Variants in ACSL4 observed in about 807,000 individuals in gnomAD.
The protein encoded by ACSL4 is acyl-CoA synthetase long chain family member 4.
A neutral mutation model predicts 49.1 loss-of-function variants in ACSL4; 9 were observed. The ratio of observed to expected loss-of-function variants is 0.18; its 90% CI spans 0.11 to 0.32. The LOEUF (loss-of-function observed/expected upper bound fraction) is 0.32, where lower values mean the gene tolerates loss of function less well. ACSL4 is among the 10% of genes least tolerant of loss of function. ACSL4 has a pLI of 1.00. For synonymous variants in ACSL4, 191 were observed against 170.3 expected, an observed-to-expected ratio of 1.12 and a Z score of -0.95; for missense variants, 333 against 493.7, an observed-to-expected ratio of 0.67 and a Z score of 3.08.
chrX:109,644,831 C>T lies in ACSL4; in HGVS notation c.1856-645G>A, dbSNP rs750875771. 3.6e-3 allele frequency among the ~76,000 whole-genome samples: 411 copies of T among 113,178 alleles called. 2 individuals are homozygous for T. Among genetic ancestry groups the T allele is most frequent in the African/African-American group, 0.012 (376 of 31,251 alleles). On this transcript the variant is annotated intron_variant, in intron 15 of 15. Transcript: ENST00000672401. Reference sequence around the variant, plus strand: ...CAGGTCAGTGGGTGTGCGCACCATGCGCGAGCCGAAGCAGGGCGAGGCATT... The same window carrying T: ...CAGGTCAGTGGGTGTGCGCACCATGTGCGAGCCGAAGCAGGGCGAGGCATT...
intron 2 of ACSL4, among the ~76,000 whole-genome samples, chrX:109,686,785 C>T (rs756558710): frequency 1.8e-5 from 2 of 110,574 alleles, no homozygotes; most frequent in African/African-American, 3.3e-5. Context: ...TGCACACACA[C>T]ACACACACAC....
intron 1 of ACSL4, among the ~76,000 whole-genome samples, chrX:109,712,346 C>T: frequency 8.9e-6 from 1 of 111,821 alleles, no homozygotes; most frequent in Non-Finnish European, 1.9e-5. Context: ...GCGACCCTCC[C>T]ACCTCTGCCT....
intron 1 of ACSL4, among the ~76,000 whole-genome samples, chrX:109,701,947 C>T (rs373832695): frequency 1.9e-5 from 2 of 102,588 alleles, no homozygotes; most frequent in Non-Finnish European, 4.0e-5. Context: ...TGGTGGCTCA[C>T]GCCTGTAATC....
chrX:109,694,088 G>GT (rs1925244499), intron 2 of ACSL4, among the ~76,000 whole-genome samples: 1 of 112,220 alleles, frequency 8.9e-6, no homozygotes, highest in South Asian at 3.7e-4. Flanking sequence ...TGGGTAGCGT[G>GT]TAACACCTAA....
chrX:109,660,583 A>G (rs1922091624), intron 14 of ACSL4, among the ~76,000 whole-genome samples: 1 of 111,903 alleles, frequency 8.9e-6, no homozygotes, highest in Non-Finnish European at 1.9e-5. Context: ...AAATCTAGGT[A>G]TCTATCCACA....
At chrX:109,713,775 A>G (rs749965946) in intron 1 of ACSL4, among the ~76,000 whole-genome samples, 3 of 111,753 alleles carry the variant, frequency 2.7e-5, no homozygotes, top group Admixed American at 9.5e-5. Flanking sequence ...ACAACAAAAT[A>G]TCTAAAAATA....
chrX:109,719,095 T>C (rs200147722), intron 1 of ACSL4, among the ~76,000 whole-genome samples: 1 of 110,280 alleles, frequency 9.1e-6, no homozygotes, highest in African/African-American at 3.3e-5. Context: ...ACAAACAAAA[T>C]AAACAAACAA....
At chrX:109,658,595 A>G (rs1281121873) in intron 15 of ACSL4, among the ~76,000 whole-genome samples, 1 of 111,401 alleles carries the variant, frequency 9.0e-6, no homozygotes, top group African/African-American at 3.3e-5. Flanking sequence ...GTAACACCAG[A>G]CTCCCTTGTA....
chrX:109,702,249 G>A (rs910363981), intron 1 of ACSL4, among the ~76,000 whole-genome samples: 1 of 111,138 alleles, frequency 9.0e-6, no homozygotes, highest in Non-Finnish European at 1.9e-5. Flanking sequence ...AAAACAAACT[G>A]ACTCTCTTAC....
chrX:109,682,370 C>A (rs1230891781), intron 4 of ACSL4, among the ~76,000 whole-genome samples: 1 of 110,915 alleles, frequency 9.0e-6, no homozygotes, highest in African/African-American at 3.3e-5. Flanking sequence ...TTTGAATTAT[C>A]CTGAGAAATG....
chrX:109,724,145 T>A (rs1162090038), intron 1 of ACSL4, among the ~76,000 whole-genome samples: 1 of 112,466 alleles, frequency 8.9e-6, no homozygotes, highest in Non-Finnish European at 1.9e-5. Flanking sequence ...AAGGTTAATT[T>A]CAGGTAAACG....
chrX:109,675,697 A>G (rs1237857270), intron 8 of ACSL4, among the ~76,000 whole-genome samples: 1 of 112,107 alleles, frequency 8.9e-6, no homozygotes, highest in Admixed American at 9.5e-5. Flanking sequence ...GGAAAAAAAA[A>G]TTATACTCAA....
intron 1 of ACSL4, among the ~76,000 whole-genome samples, chrX:109,727,657 T>TTGTGTGTGTGTGTGTG (rs35186119): frequency 1.1e-5 from 1 of 88,400 alleles, no homozygotes; most frequent in Non-Finnish European, 2.1e-5. Context: ...GTTTGTTAAA[T>TTGTGTGTGTGTGTGTG]TGTGTGTGTG....
chrX:109,688,823 CT>C lies in ACSL4; in HGVS notation c.-12-5449del, dbSNP rs372048467. Among the ~76,000 whole-genome samples the C allele has an allele frequency of 4.5e-3, 468 of 102,954 alleles. 2 individuals carry two copies. Among genetic ancestry groups the C allele is most frequent in the Middle Eastern group, 0.015 (3 of 200 alleles). The allele number at this position is 102,954 out of a possible 115,157, so 89.4% of individuals were successfully genotyped here. On this transcript the variant is annotated intron_variant, in intron 2 of 15. Transcript: ENST00000672401. ...ACTTCCCTGGCTATTCCTTTTCAGT[CT>C]TTTTTTTTTTTTCTGCTTCTTCCTC...
chrX:109,659,878 T>A (rs1922025159), intron 14 of ACSL4, among the ~76,000 whole-genome samples: 1 of 109,977 alleles, frequency 9.1e-6, no homozygotes, highest in South Asian at 3.8e-4. Flanking sequence ...TCAAAATGGA[T>A]CAAAAATCTA....
At chrX:109,690,654 T>C (rs896462145) in intron 2 of ACSL4, among the ~76,000 whole-genome samples, 1 of 108,063 alleles carries the variant, frequency 9.3e-6, no homozygotes, top group East Asian at 3.0e-4. Context: ...GTGATCCTAG[T>C]AATACTGGTA....
At chrX:109,697,326 T>C (rs1925514586) in intron 1 of ACSL4, among the ~76,000 whole-genome samples, 1 of 111,880 alleles carries the variant, frequency 8.9e-6, no homozygotes, top group African/African-American at 3.2e-5. Context: ...ATTATGAGAA[T>C]AACCCTTCGA....
At chrX:109,658,343 C>G (rs1205768967) in intron 15 of ACSL4, among the ~76,000 whole-genome samples, 3 of 111,475 alleles carry the variant, frequency 2.7e-5, no homozygotes, top group African/African-American at 9.8e-5. Flanking sequence ...CTCCTACAGT[C>G]CTCTTCAACT....
chrX:109,722,762 C>T (rs1398082096), intron 1 of ACSL4, among the ~76,000 whole-genome samples: 2 of 109,968 alleles, frequency 1.8e-5, no homozygotes, highest in Non-Finnish European at 3.8e-5. Flanking sequence ...TTACATGGCA[C>T]GATGTTGGCC....
Sources: allele counts gnomAD v4.1 joint callset (sites outside exome capture counted in the v4.1 genomes callset), GRCh38; gene constraint gnomAD v4.1.1; transcripts MANE v1.5; gene names NCBI Gene and HGNC (gene_info 2026-07-23, HGNC 2026-07-21).